CATSPER3: variants seen among roughly 807,000 people sequenced by gnomAD.
CATSPER3 encodes cation channel sperm-associated protein 3.
A neutral mutation model predicts 36.6 loss-of-function variants in CATSPER3; 23 were observed. The observed-to-expected ratio is 0.63, with a 90% confidence interval of 0.45 to 0.89. The LOEUF is 0.89. Among genes scored for constraint, CATSPER3 ranks in the 40% least tolerant of loss-of-function variants. The pLI, the probability that CATSPER3 is intolerant of heterozygous loss-of-function variation, is 0.00. For synonymous variants in CATSPER3, 172 were observed against 184.1 expected (o/e 0.93, Z 0.53); for missense variants, 474 against 503.9 (o/e 0.94, Z 0.57).
intron 7 of CATSPER3, 139 bp from the exon 8 acceptor site, chr5:135,011,382 C>A: frequency 1.4e-6 from 1 of 712,464 alleles, no homozygotes; most frequent in Non-Finnish European, 2.5e-6. Context: ...GATTCCAACC[C>A]AGCCTCATCT....
At chr5:134,992,236 A>G (rs1751887386) in intron 2 of CATSPER3, among the ~76,000 whole-genome samples, 2 of 152,230 alleles carry the variant, frequency 1.3e-5, no homozygotes, top group Non-Finnish European at 2.9e-5. Flanking sequence ...CAATTCAACA[A>G]CAGCATCAAC....
At chr5:135,004,608 G>T (rs1752062139) in intron 3 of CATSPER3, among the ~76,000 whole-genome samples, 1 of 152,172 alleles carries the variant, frequency 6.6e-6, no homozygotes, top group Non-Finnish European at 1.5e-5. Context: ...GGCACCAAGG[G>T]AGCAGGGGCC....
intron 2 of CATSPER3, among the ~76,000 whole-genome samples, chr5:134,992,506 G>A (rs1240446817): frequency 1.3e-5 from 2 of 152,222 alleles, no homozygotes; most frequent in Admixed American, 6.5e-5. Flanking sequence ...GGGTGGATCA[G>A]TTGAGATCAG....
intron 3 of CATSPER3, among the ~76,000 whole-genome samples, chr5:134,997,419 C>T (rs527328161): frequency 6.6e-6 from 1 of 152,308 alleles, no homozygotes; most frequent in East Asian, 1.9e-4. Flanking sequence ...GTCCAGCCCT[C>T]CCTCTCCTTC....
At chr5:135,005,284 C>T (rs1752072363) in intron 3 of CATSPER3, among the ~76,000 whole-genome samples, 1 of 152,292 alleles carries the variant, frequency 6.6e-6, no homozygotes, top group South Asian at 2.1e-4. Flanking sequence ...GCCTTTGGCC[C>T]TTGCAGGCAT....
At chr5:135,010,216 A>G (rs1361032481) in intron 6 of CATSPER3, among the ~76,000 whole-genome samples, 157 bp from the exon 7 acceptor site, 1 of 152,200 alleles carries the variant, frequency 6.6e-6, no homozygotes, top group Non-Finnish European at 1.5e-5. Context: ...GTCCAGGTTC[A>G]GAAGGGGTCA....
chr5:135,005,475 CAG>C (rs1012509866), intron 3 of CATSPER3, among the ~76,000 whole-genome samples: 4 of 152,300 alleles, frequency 2.6e-5, no homozygotes, highest in Non-Finnish European at 5.9e-5. Context: ...CCTAGATCCC[CAG>C]AGGCACAGAA....
chr5:134,978,136 G>C, intron 2 of CATSPER3, among the ~76,000 whole-genome samples: 1 of 152,176 alleles, frequency 6.6e-6, no homozygotes, highest in East Asian at 1.9e-4. Context: ...GTCAATAGTG[G>C]TTGCTAAAGG....
At chr5:134,996,541 G>A in intron 3 of CATSPER3, 29 bp downstream of exon 3, 1 of 1,611,696 alleles carries the variant, frequency 6.2e-7, no homozygotes, top group South Asian at 1.1e-5. Flanking sequence ...TCATGGTGCT[G>A]GGAGGGCAGG....
intron 2 of CATSPER3, among the ~76,000 whole-genome samples, chr5:134,972,210 A>G (rs1751616599): frequency 6.6e-6 from 1 of 152,204 alleles, no homozygotes; most frequent in South Asian, 2.1e-4. Context: ...AGCATTTTGG[A>G]TTTTGGATTT....
chr5:134,970,108 G>T lies in CATSPER3; in HGVS notation c.252+16G>T, dbSNP rs1300462847. 4 of 1,611,964 alleles carry T rather than the reference G, an allele frequency of 2.5e-6. No homozygotes were observed. In the African/African-American group the frequency reaches 5.4e-5, roughly 22 times the overall value. ...ACTTCTTGAGGTAAGCAGACAAAATGGGTCCATTTTCTTCTTTTTTTAAAA... is the reference window on the plus strand; with the variant it reads ...ACTTCTTGAGGTAAGCAGACAAAATTGGTCCATTTTCTTCTTTTTTTAAAA... On this transcript the variant is annotated intron_variant, in intron 2 of 7. Coordinates refer to ENST00000282611, the MANE Select transcript of CATSPER3 (RefSeq NM_178019.3).
intron 3 of CATSPER3, among the ~76,000 whole-genome samples, chr5:134,997,183 G>A (rs1421283194): frequency 1.3e-5 from 2 of 152,204 alleles, no homozygotes; most frequent in African/African-American, 4.8e-5. Flanking sequence ...CTGGGTTCCC[G>A]TGTTCAGTCG....
At chr5:134,976,330 AAAAC>A (rs1437349847) in intron 2 of CATSPER3, among the ~76,000 whole-genome samples, 1 of 152,110 alleles carries the variant, frequency 6.6e-6, no homozygotes, top group Admixed American at 6.5e-5. Flanking sequence ...CAAAACAACA[AAAAC>A]AAAACCCCAC....
At chr5:135,010,574 G>C (rs560060226) in intron 7 of CATSPER3, 44 bp downstream of exon 7, 2 of 1,590,126 alleles carry the variant, frequency 1.3e-6, no homozygotes, top group African/African-American at 2.7e-5. Flanking sequence ...GGGCTTCCTC[G>C]AGGTTGGGCT....
intron 1 of CATSPER3, chr5:134,968,303 T>C (rs950611700): frequency 5.4e-6 from 3 of 552,570 alleles, no homozygotes; most frequent in Non-Finnish European, 9.8e-6. Context: ...TTTGACCAGT[T>C]TGACTGTTAG....
chr5:134,971,364 T>G (rs896801373), intron 2 of CATSPER3, among the ~76,000 whole-genome samples: 6 of 151,896 alleles, frequency 4.0e-5, no homozygotes, highest in Admixed American at 1.3e-4. Flanking sequence ...GAGGCTGCAG[T>G]GAGCTGTGAT....
chr5:134,982,179 T>C (rs1751759366), intron 2 of CATSPER3, among the ~76,000 whole-genome samples: 1 of 152,072 alleles, frequency 6.6e-6, no homozygotes, highest in Non-Finnish European at 1.5e-5. Flanking sequence ...AAAATGATGA[T>C]AAATGAACAG....
intron 2 of CATSPER3, among the ~76,000 whole-genome samples, chr5:134,976,113 T>A (rs1751669620): frequency 6.6e-6 from 1 of 152,200 alleles, no homozygotes; most frequent in South Asian, 2.1e-4. Context: ...TGCATTGCTA[T>A]AAAGAAATAC....
chr5:135,002,997 G>C (rs60063447), intron 3 of CATSPER3, among the ~76,000 whole-genome samples: 8,887 of 152,266 alleles, frequency 0.058, 459 homozygotes, highest in South Asian at 0.23. Flanking sequence ...TGCTGGTGAG[G>C]AGCTGCGTTC....
Sources: gnomAD v4.1 joint callset for allele counts (sites outside exome capture counted in the v4.1 genomes callset) on GRCh38, gnomAD v4.1.1 for gene constraint, MANE v1.5 for transcripts, NCBI Gene and HGNC (gene_info 2026-07-23, HGNC 2026-07-21) for gene names.